TRPM3: variants seen among roughly 807,000 people sequenced by gnomAD.
TRPM3 encodes the protein long transient receptor potential channel 3.
Under a neutral mutation model 181.2 loss-of-function variants are expected in TRPM3, and 77 were observed. The ratio of observed to expected loss-of-function variants is 0.42; its 90% CI spans 0.35 to 0.51. TRPM3 has a LOEUF of 0.51. Ranked by LOEUF, TRPM3 falls within the 20% of genes least tolerant of loss-of-function variation. The pLI is 0.01. For synonymous variants in TRPM3, 745 were observed against 796.4 expected (o/e 0.94, Z 1.09); for missense variants, 1,759 against 2,196.7 (o/e 0.80, Z 3.98).
At chr9:70,872,625 GT>G (rs550375277) in intron 1 of TRPM3, among the ~76,000 whole-genome samples, 11 of 151,878 alleles carry the variant, frequency 7.2e-5, no homozygotes, top group Non-Finnish European at 1.6e-4. Flanking sequence ...GTCTTTGTAG[GT>G]TTGTTTTTTG....
At chr9:70,812,717 G>A (rs1296388127) in intron 6 of TRPM3, among the ~76,000 whole-genome samples, 1 of 152,176 alleles carries the variant, frequency 6.6e-6, no homozygotes, top group East Asian at 1.9e-4. Context: ...CATTGGCTTA[G>A]CTATGTCTTT....
chr9:70,968,216 T>C (rs1173481960), intron 1 of TRPM3, among the ~76,000 whole-genome samples: 1 of 152,136 alleles, frequency 6.6e-6, no homozygotes, highest in African/African-American at 2.4e-5. Context: ...TGTGCTTATA[T>C]TGATAAATTA....
In TRPM3 at chr9:70,977,198, G is replaced by A. The variant is rs181086782; in HGVS notation, c.178-112687C>T. Among the ~76,000 whole-genome samples the A allele has an allele frequency of 4.3e-3, 659 of 152,196 alleles. 6 individuals are homozygous for A. Among genetic ancestry groups the A allele is most frequent in the Non-Finnish European group, 6.3e-3 (426 of 68,010 alleles). ...CACCCAGGCTGGAGTGCAGTGGCAC[G>A]ATCTCGGCTCACTGCCACCTCCGCC... On this transcript the variant is annotated intron_variant, in intron 1 of 25. Transcript: ENST00000677713.
chr9:71,355,631 T>C lies in TRPM3; in HGVS notation c.183+91022A>G, dbSNP rs886254857. Among the ~76,000 whole-genome samples, 8 of 150,428 alleles carry C rather than the reference T, an allele frequency of 5.3e-5. No homozygotes were observed. In the South Asian group the frequency reaches 8.3e-4, roughly 16 times the overall value. On this transcript the variant is annotated intron_variant, in intron 1 of 24. Transcript: ENST00000357533. ...GCCGATAGAGTCCCCCTGTGGTTAT[T>C]TGAGGCCATGTGACTATTTCTCTCC...
At chr9:70,898,204 G>A (rs1026865143) in intron 1 of TRPM3, among the ~76,000 whole-genome samples, 3 of 151,004 alleles carry the variant, frequency 2.0e-5, no homozygotes, top group Non-Finnish European at 4.4e-5. Flanking sequence ...CTCACTGCAA[G>A]CTCCGCCTCC....
intron 1 of TRPM3, among the ~76,000 whole-genome samples, chr9:71,412,910 A>G (rs977636555): frequency 6.6e-6 from 1 of 152,232 alleles, no homozygotes; most frequent in Non-Finnish European, 1.5e-5. Context: ...ATGGAATACT[A>G]TGCAGCCATA....
chr9:71,097,482 T>C (rs2067523042), intron 1 of TRPM3, among the ~76,000 whole-genome samples: 2 of 152,090 alleles, frequency 1.3e-5, no homozygotes, highest in Admixed American at 1.3e-4. Context: ...ATTTTTTAGT[T>C]TAAAGGTTCT....
At chr9:71,200,234 G>A (rs1384202382) in intron 1 of TRPM3, among the ~76,000 whole-genome samples, 1 of 152,040 alleles carries the variant, frequency 6.6e-6, no homozygotes, top group Admixed American at 6.6e-5. Flanking sequence ...TGTGGTCTGA[G>A]AGACAGTTTG....
intron 7 of TRPM3, chr9:70,774,910 G>A (rs1222505663): frequency 2.0e-5 from 3 of 152,164 alleles, no homozygotes; most frequent in African/African-American, 4.8e-5. Context: ...GCAGACTTGA[G>A]TTAATCTTGA....
chr9:71,406,379 A>G (rs551287907), intron 1 of TRPM3, among the ~76,000 whole-genome samples: 1 of 152,366 alleles, frequency 6.6e-6, no homozygotes, highest in Admixed American at 6.5e-5. Flanking sequence ...ATAAAAGGAC[A>G]GAAAGCTATG....
intron 22 of TRPM3, among the ~76,000 whole-genome samples, chr9:70,567,267 T>C (rs1216271505): frequency 6.6e-6 from 1 of 152,234 alleles, no homozygotes; most frequent in Non-Finnish European, 1.5e-5. Flanking sequence ...ATAAAGTATG[T>C]AAAGAGAAAG....
intron 1 of TRPM3, among the ~76,000 whole-genome samples, chr9:71,203,635 G>A (rs913331616): frequency 6.6e-6 from 1 of 152,102 alleles, no homozygotes; most frequent in African/African-American, 2.4e-5. Flanking sequence ...ACCTCTCTGT[G>A]TCTGAATTTC....
chr9:70,601,845 G>A (rs1158565508), intron 20 of TRPM3, among the ~76,000 whole-genome samples: 1 of 152,144 alleles, frequency 6.6e-6, no homozygotes, highest in African/African-American at 2.4e-5. Flanking sequence ...CCCTGCTCGA[G>A]TCCTTCCCTT....
chr9:71,065,930 A>G (rs2061862686), intron 1 of TRPM3, among the ~76,000 whole-genome samples: 5 of 152,160 alleles, frequency 3.3e-5, no homozygotes, highest in Admixed American at 3.3e-4. Context: ...ATACTAAGAG[A>G]AGAGATCAAA....
chr9:71,383,050 A>C (rs2132884439), intron 1 of TRPM3, among the ~76,000 whole-genome samples: 1 of 152,256 alleles, frequency 6.6e-6, no homozygotes, highest in Admixed American at 6.6e-5. Flanking sequence ...AGAAAGTAAA[A>C]CTAATTAGTT....
At chr9:71,065,593 T>C (rs2061820000) in intron 1 of TRPM3, among the ~76,000 whole-genome samples, 1 of 152,156 alleles carries the variant, frequency 6.6e-6, no homozygotes, top group African/African-American at 2.4e-5. Flanking sequence ...ATTAAGTGAA[T>C]TCATTAAAAG....
intron 1 of TRPM3, among the ~76,000 whole-genome samples, chr9:71,216,972 A>T (rs2079916873): frequency 1.2e-5 from 1 of 82,298 alleles, no homozygotes; most frequent in Non-Finnish European, 2.1e-5. Flanking sequence ...TTTTTTTGAG[A>T]CGGAGTCTCG....
intron 9 of TRPM3, among the ~76,000 whole-genome samples, chr9:70,674,094 A>G (rs1291036957): frequency 6.6e-6 from 1 of 152,196 alleles, no homozygotes; most frequent in African/African-American, 2.4e-5. Context: ...GCAATCATCC[A>G]TGTGGTATAT....
intron 1 of TRPM3, among the ~76,000 whole-genome samples, chr9:70,949,633 G>A (rs1034857092): frequency 2.6e-5 from 4 of 151,936 alleles, no homozygotes; most frequent in Non-Finnish European, 5.9e-5. Context: ...TGAACTCCTG[G>A]GCTCAAGTGA....
Sources: allele counts gnomAD v4.1 joint callset (sites outside exome capture counted in the v4.1 genomes callset), GRCh38; gene constraint gnomAD v4.1.1; transcripts MANE v1.5; gene names NCBI Gene and HGNC (gene_info 2026-07-23, HGNC 2026-07-21).